Variants in COL4A6 observed in about 807,000 individuals in gnomAD.
The protein encoded by COL4A6 is collagen type IV alpha 6 chain, also known as collagen alpha-6(IV) chain.
Under a neutral mutation model 126.7 loss-of-function variants are expected in COL4A6, and 59 were observed. The ratio of observed to expected loss-of-function variants is 0.47; its 90% CI spans 0.38 to 0.58. The LOEUF (loss-of-function observed/expected upper bound fraction) is 0.58. COL4A6 is among the 20% of genes least tolerant of loss of function. The pLI is 0.00. For missense variants in COL4A6, 1,285 were observed against 1,337.3 expected (o/e 0.96, Z 0.61); for synonymous variants, 547 against 496.6 (o/e 1.10, Z -1.35).
Position 108,207,037 on chromosome X carries a change from C to T in COL4A6, c.547-457G>A, listed in dbSNP as rs186206106. On this transcript the variant is annotated intron_variant, in intron 8 of 44. Coordinates refer to ENST00000334504, the MANE Select transcript of COL4A6 (RefSeq NM_033641.4). ...TATACCTGAATAGAGGTTTGGATTA[C>T]ATACAAGTATGCATTTGTCAAAACT... 1.1e-3 allele frequency among the ~76,000 whole-genome samples: 120 copies of T among 111,495 alleles called. 5 individuals carry two copies. The East Asian group carries it at 0.033, about 31-fold the overall frequency.
intron 2 of COL4A6, among the ~76,000 whole-genome samples, chrX:108,313,311 G>C (rs2038804061): frequency 9.0e-6 from 1 of 111,674 alleles, no homozygotes; most frequent in South Asian, 3.8e-4. Flanking sequence ...TTTCTCTCAA[G>C]ATCAAGCCCA....
At chrX:108,384,106 C>T in intron 2 of COL4A6, 2 of 289,247 alleles carry the variant, frequency 6.9e-6, no homozygotes, top group Non-Finnish European at 1.2e-5. Context: ...CATTCATCTA[C>T]CCATTTATCC....
Position 108,205,339 on chromosome X carries a change from G to A in COL4A6, c.687+100C>T, listed in dbSNP as rs764303110. 1.1e-4 allele frequency: 79 copies of A among 730,588 alleles called. No individual in the cohort carries two copies. In the Admixed American group the frequency reaches 1.8e-3, roughly 16 times the overall value. The allele number at this position is 730,588 out of a possible 1,213,427, so 60.2% of individuals were successfully genotyped here. A position where few individuals can be genotyped will look rare whatever the true frequency, so the allele number is the denominator to read the frequency against. On this transcript the variant is annotated intron_variant, in intron 11 of 44. Coordinates refer to ENST00000334504, the MANE Select transcript of COL4A6 (RefSeq NM_033641.4). ...TTGGGAAATATTCATTTCCCAAGGC[G>A]AAAAAACAAATCCTCTTACACAAGC...
At chrX:108,161,585 G>GC in intron 42 of COL4A6, 34 bp downstream of exon 42, 1 of 241,532 alleles carries the variant, frequency 4.1e-6, no homozygotes, top group Non-Finnish European at 7.6e-6. Flanking sequence ...CACCATCCCC[G>GC]CCCCGCCCGC....
chrX:108,438,540 C>T, upstream of COL4A6: 2 of 820,082 alleles, frequency 2.4e-6, no homozygotes, highest in Non-Finnish European at 3.1e-6. Flanking sequence ...CACCTTTCCA[C>T]ACAACAGCCC....
intron 3 of COL4A6, among the ~76,000 whole-genome samples, chrX:108,266,594 T>G (rs2037308662): frequency 8.9e-6 from 1 of 111,804 alleles, no homozygotes; most frequent in Admixed American, 9.5e-5. Flanking sequence ...TGTTCACTAA[T>G]GGTAATTTGT....
intron 2 of COL4A6, among the ~76,000 whole-genome samples, chrX:108,338,967 C>G (rs776263115): frequency 5.4e-4 from 60 of 111,713 alleles, no homozygotes; most frequent in African/African-American, 1.9e-3. Flanking sequence ...GACTCAGGCA[C>G]TTTAAAATGG....
At chrX:108,358,923 C>T (rs1311975511) in intron 2 of COL4A6, among the ~76,000 whole-genome samples, 1 of 111,287 alleles carries the variant, frequency 9.0e-6, no homozygotes, top group Non-Finnish European at 1.9e-5. Context: ...GAGGGTGGTG[C>T]TTCTGGAGCA....
chrX:108,183,740 C>T, intron 23 of COL4A6: 1 of 874,451 alleles, frequency 1.1e-6, no homozygotes, highest in Non-Finnish European at 1.4e-6. Flanking sequence ...GTGTCTAAGT[C>T]TCCTTTACCA....
At chrX:108,404,639 T>C (rs1394757655) in intron 2 of COL4A6, among the ~76,000 whole-genome samples, 1 of 112,093 alleles carries the variant, frequency 8.9e-6, no homozygotes, top group Non-Finnish European at 1.9e-5. Flanking sequence ...CATCTCATCA[T>C]ATCCAAAGTC....
chrX:108,392,752 C>T (rs2040866101), intron 2 of COL4A6, among the ~76,000 whole-genome samples: 1 of 111,301 alleles, frequency 9.0e-6, no homozygotes, highest in African/African-American at 3.3e-5. Flanking sequence ...ATAAAAGGGG[C>T]CCAAGAAAGC....
chrX:108,226,798 T>A (rs2036179485), intron 3 of COL4A6, among the ~76,000 whole-genome samples: 1 of 110,811 alleles, frequency 9.0e-6, no homozygotes, highest in African/African-American at 3.3e-5. Context: ...CCACATCCGA[T>A]CCATTAGCAA....
At chrX:108,212,363 A>G (rs2035733400) in intron 6 of COL4A6, among the ~76,000 whole-genome samples, 3 of 111,630 alleles carry the variant, frequency 2.7e-5, no homozygotes, top group African/African-American at 9.8e-5. Flanking sequence ...AAGTCTGTCT[A>G]AGAGGCTGGT....
chrX:108,198,923 T>C (rs185315647), intron 13 of COL4A6, among the ~76,000 whole-genome samples: 2 of 111,374 alleles, frequency 1.8e-5, no homozygotes, highest in Non-Finnish European at 1.9e-5. Flanking sequence ...CCTTCCCCTG[T>C]GTTTGCTAGT....
chrX:108,161,590 G>GC, intron 42 of COL4A6, 29 bp downstream of exon 42: 1 of 247,024 alleles, frequency 4.0e-6, no homozygotes, highest in Non-Finnish European at 7.2e-6. Context: ...TCCCCGCCCC[G>GC]CCCGCCTCCT....
intron 2 of COL4A6, among the ~76,000 whole-genome samples, chrX:108,401,591 G>A (rs898970452): frequency 6.3e-5 from 7 of 110,537 alleles, no homozygotes; most frequent in Non-Finnish European, 1.1e-4. Context: ...TGGAATTATG[G>A]GTGGGTACTC....
At chrX:108,211,637 T>C (rs776118044) in intron 7 of COL4A6, 35 bp downstream of exon 7, 3 of 1,179,896 alleles carry the variant, frequency 2.5e-6, no homozygotes, top group Middle Eastern at 2.4e-4. Context: ...ACCCAGCTTA[T>C]AGCCTACTCA....
rs1218457611 is a variant in COL4A6, at chrX:108,169,409, G to A, written c.3691+86C>T. On this transcript the variant is annotated intron_variant, in intron 37 of 44. Coordinates refer to ENST00000334504, the MANE Select transcript of COL4A6 (RefSeq NM_033641.4). ...GTGAAGACACTCACAGCCCAACCCTGTGAGCCACATGGCCCTGCTGTACCC... is the reference window on the plus strand; with the variant it reads ...GTGAAGACACTCACAGCCCAACCCTATGAGCCACATGGCCCTGCTGTACCC... 3.5e-6 allele frequency: 4 copies of A among 1,138,503 alleles called. No individual in the cohort carries two copies. In the East Asian group the frequency reaches 1.2e-4, roughly 35 times the overall value. 93.8% of individuals were successfully genotyped at this position (1,138,503 alleles called of 1,213,427 possible).
At chrX:108,196,941 T>C (rs1430409304) in intron 13 of COL4A6, among the ~76,000 whole-genome samples, 1 of 111,931 alleles carries the variant, frequency 8.9e-6, no homozygotes, top group African/African-American at 3.2e-5. Context: ...ATATCTTGTG[T>C]TTTTCATTCC....
Sources: gnomAD v4.1 joint callset for allele counts (sites outside exome capture counted in the v4.1 genomes callset) on GRCh38, gnomAD v4.1.1 for gene constraint, MANE v1.5 for transcripts, NCBI Gene and HGNC (gene_info 2026-07-23, HGNC 2026-07-21) for gene names.